Variants in CHGB observed in about 807,000 individuals in gnomAD.
The protein encoded by CHGB is secretogranin-1.
A neutral mutation model predicts 69.9 loss-of-function variants in CHGB; 46 were observed. The observed-to-expected ratio is 0.66, with a 90% CI of 0.52 to 0.84. The LOEUF is 0.84. Among genes scored for constraint, CHGB ranks in the 40% least tolerant of loss-of-function variants. The probability of loss-of-function intolerance (pLI) is 0.00; values close to 1 mark genes in which losing one functional copy is unlikely to be tolerated. For missense variants in CHGB, 796 were observed against 822.2 expected (o/e 0.97, Z 0.39); for synonymous variants, 312 against 298.2 (o/e 1.05, Z -0.48).
chr20:5,916,435 C>T, intron 2 of CHGB, 63 bp downstream of exon 2: 2 of 1,377,908 alleles, frequency 1.5e-6, no homozygotes, highest in South Asian at 1.2e-5. Context: ...CTCCCAGTCC[C>T]TATTATACCA....
At chr20:5,912,085 G>A (rs1240047837) in intron 1 of CHGB, among the ~76,000 whole-genome samples, 2 of 152,192 alleles carry the variant, frequency 1.3e-5, no homozygotes, top group Non-Finnish European at 2.9e-5. Flanking sequence ...CGACTACAGA[G>A]AGGCAGGAAT....
Position 5,923,976 on chromosome 20 carries a change from T to C in CHGB, c.1832T>C (p.Leu611Pro). 3 of 1,614,116 alleles carry C rather than the reference T, an allele frequency of 1.9e-6. No homozygotes were observed. Among genetic ancestry groups the C allele is most frequent in the Non-Finnish European group, 2.5e-6 (3 of 1,180,002 alleles). The change falls in exon 4 of 5, where the codon CTT (leucine) becomes CCT (proline). Residue 611 changes from leucine (L) to proline (P), a missense_variant. Coordinates refer to ENST00000378961, the MANE Select transcript of CHGB (RefSeq NM_001819.3). ...AGGGTGGCCCAACTGGACCAGCTCC[T>C]TCACTACAGGAAGAAGTCAGCTGAG... is the stretch of plus-strand genomic sequence containing the variant. ...YDRVAQLDQL[L>P]HYRKKSAEFP...
intron 1 of CHGB, among the ~76,000 whole-genome samples, chr20:5,913,698 C>T (rs2088459798): frequency 7.0e-6 from 1 of 142,232 alleles, no homozygotes; most frequent in African/African-American, 2.7e-5. Flanking sequence ...GGTGCAATCT[C>T]AGCTCACTGC....
At chr20:5,913,685 G>A (rs1344581085) in intron 1 of CHGB, among the ~76,000 whole-genome samples, 5 of 140,396 alleles carry the variant, frequency 3.6e-5, no homozygotes, top group Admixed American at 7.4e-5. Flanking sequence ...GCTGGAGTGC[G>A]GTGGTGCAAT....
chr20:5,925,251 C>G lies in CHGB; in HGVS notation c.*202C>G. Reference sequence around the variant, plus strand: ...TGAATTGCATGACTTGTAGCATATTCTTTTCTGCAAAATAGACATATTAAC... The same window carrying G: ...TGAATTGCATGACTTGTAGCATATTGTTTTCTGCAAAATAGACATATTAAC... On this transcript the variant is annotated 3_prime_UTR_variant, in exon 5 of 5. Coordinates refer to ENST00000378961, the MANE Select transcript of CHGB (RefSeq NM_001819.3). The G allele has an allele frequency of 2.3e-6, 1 of 435,074 alleles. No homozygotes were observed. Among genetic ancestry groups the G allele is most frequent in the Non-Finnish European group, 4.1e-6 (1 of 241,952 alleles). 27.0% of individuals were successfully genotyped at this position (435,074 alleles called of 1,614,324 possible).
intron 4 of CHGB, among the ~76,000 whole-genome samples, chr20:5,924,499 A>G (rs2088538297): frequency 6.6e-6 from 1 of 152,092 alleles, no homozygotes; most frequent in African/African-American, 2.4e-5. Context: ...TGGTCCTCTT[A>G]TTGTTCATCA....
chr20:5,921,990 T>C (rs1482176114), intron 3 of CHGB, among the ~76,000 whole-genome samples: 2 of 152,112 alleles, frequency 1.3e-5, no homozygotes, highest in African/African-American at 2.4e-5. Flanking sequence ...AAAGAAGAGG[T>C]TGGACTGGAT....
rs141287598 is a variant in CHGB, at chr20:5,922,164, G to A, written c.191-171G>A. Among the ~76,000 whole-genome samples, 36 of 152,286 alleles carry A rather than the reference G, an allele frequency of 2.4e-4. No individual in the cohort carries two copies. In the East Asian group the frequency reaches 6.9e-3, roughly 29 times the overall value. On this transcript the variant is annotated intron_variant, in intron 3 of 4. Transcript: ENST00000378961. ...ATTACCAGATTTAAACACAGTCAAG[G>A]AGCTTTCATAGCATTTACTTTCAAA...
chr20:5,922,572 C>T lies in CHGB; in HGVS notation c.428C>T (p.Pro143Leu). 1 of 1,613,736 alleles carries T rather than the reference C, an allele frequency of 6.2e-7. No homozygotes were observed. Among genetic ancestry groups the T allele is most frequent in the Non-Finnish European group, 8.5e-7 (1 of 1,179,864 alleles). The change falls in exon 4 of 5, where the codon CCC (proline) becomes CTC (leucine). Residue 143 changes from proline (P) to leucine (L), a missense_variant. Around this residue, in one of 3 missense-constraint regions of CHGB, gnomAD observed 518 missense variants for 506.3 expected, o/e 1.02. Transcript: ENST00000378961. ...RADEPQWSLY[P>L]SDSQVSEEVK... ...GATGAGCCCCAGTGGAGCCTCTATC[C>T]CTCCGACAGCCAAGTCTCTGAAGAA... is the stretch of plus-strand genomic sequence containing the variant.
chr20:5,916,523 C>T, intron 2 of CHGB, 151 bp downstream of exon 2: 1 of 725,950 alleles, frequency 1.4e-6, no homozygotes. Flanking sequence ...GATGCCCCTC[C>T]TGCACTGAGC....
chr20:5,916,645 A>C (rs1600211631), intron 2 of CHGB, among the ~76,000 whole-genome samples, 181 bp from the exon 3 acceptor site: 1 of 152,150 alleles, frequency 6.6e-6, no homozygotes, highest in Non-Finnish European at 1.5e-5. Flanking sequence ...GCCTTCTTGC[A>C]TTATTCTGTG....
chr20:5,914,232 A>G (rs1413166919), intron 1 of CHGB, among the ~76,000 whole-genome samples: 1 of 152,198 alleles, frequency 6.6e-6, no homozygotes, highest in Non-Finnish European at 1.5e-5. Context: ...GCCTTTGGCT[A>G]TTACCTTGTT....
rs376350239 is a variant in CHGB, at chr20:5,923,045, T to G, written c.901T>G (p.Ser301Ala). 90 of 1,613,378 alleles carry G rather than the reference T, an allele frequency of 5.6e-5. No homozygotes were observed. The highest frequency in any genetic ancestry group is 7.3e-5 in the Non-Finnish European group (86 of 1,179,832). ...DRSSQGGSLP[S>A]EEKGHPQEES... ...GTCCTCTCAAGGAGGGAGTCTTCCC[T>G]CTGAGGAAAAGGGACACCCCCAGGA... Residue 301 changes from serine (S) to alanine (A), a missense_variant, in exon 4 of 5, where the codon TCT (serine) becomes GCT (alanine). Ser to Ala is a moderately conservative substitution (Grantham distance 99, BLOSUM62 1). Transcript: ENST00000378961.
chr20:5,916,500 A>T, intron 2 of CHGB, 128 bp downstream of exon 2: 1 of 841,372 alleles, frequency 1.2e-6, no homozygotes, highest in Non-Finnish European at 1.9e-6. Context: ...TTGCTGACAG[A>T]ATGTGAGCAA....
intron 3 of CHGB, among the ~76,000 whole-genome samples, chr20:5,920,346 A>C (rs1057165914): frequency 5.9e-5 from 9 of 152,240 alleles, no homozygotes; most frequent in African/African-American, 2.2e-4. Context: ...GAATGACATC[A>C]GTATCTGTCT....
At chr20:5,917,105 C>T (rs1401054236) in intron 3 of CHGB, 186 bp downstream of exon 3, 20 of 620,182 alleles carry the variant, frequency 3.2e-5, no homozygotes, top group East Asian at 2.0e-4. Flanking sequence ...TTTACCACTT[C>T]GCAGCTGTGT....
At chr20:5,915,286 A>G (rs1226926006) in intron 1 of CHGB, among the ~76,000 whole-genome samples, 1 of 152,268 alleles carries the variant, frequency 6.6e-6, no homozygotes, top group Non-Finnish European at 1.5e-5. Flanking sequence ...AGACAAAGCA[A>G]CTTCAAACAC....
intron 3 of CHGB, among the ~76,000 whole-genome samples, chr20:5,918,160 A>ACAAC (rs1368430098): frequency 6.7e-6 from 1 of 148,698 alleles, no homozygotes; most frequent in East Asian, 2.0e-4. Context: ...AAAAAAAAAA[A>ACAAC]AAAAAAAAAA....
At chr20:5,921,893 C>T (rs1367214810) in intron 3 of CHGB, among the ~76,000 whole-genome samples, 1 of 152,192 alleles carries the variant, frequency 6.6e-6, no homozygotes, top group Admixed American at 6.5e-5. Context: ...GAGCCATTCA[C>T]ATAGTGCTAA....
Sources: allele counts gnomAD v4.1 joint callset (sites outside exome capture counted in the v4.1 genomes callset), GRCh38; gene constraint gnomAD v4.1.1; regional missense constraint gnomAD v4.1.1; transcripts MANE v1.5; gene names NCBI Gene and HGNC (gene_info 2026-07-23, HGNC 2026-07-21).